TENM3: variants seen among roughly 807,000 people sequenced by gnomAD.
TENM3 encodes the protein teneurin-3.
Under a neutral mutation model 255.1 loss-of-function variants are expected in TENM3, and 63 were observed. That is an observed-to-expected ratio of 0.25 (90% CI 0.20 to 0.30). TENM3 has a LOEUF of 0.30. Among genes scored for constraint, TENM3 ranks in the 10% least tolerant of loss-of-function variants. The pLI, the probability that TENM3 is intolerant of heterozygous loss-of-function variation, is 1.00. For missense variants in TENM3, 2,929 were observed against 3,461.1 expected (o/e 0.85, Z 3.86); for synonymous variants, 1,306 against 1,322.3 (o/e 0.99, Z 0.27).
At chr4:181,789,454 G>T in the TENM3 span, among the ~76,000 whole-genome samples, 2 of 151,428 alleles carry the variant, frequency 1.3e-5, no homozygotes, top group African/African-American at 4.9e-5. Context: ...ATGGGGTTTT[G>T]CCATGTTGGC....
At chr4:182,677,041 G>A (rs1755724964) in intron 7 of TENM3, among the ~76,000 whole-genome samples, 1 of 152,096 alleles carries the variant, frequency 6.6e-6, no homozygotes, top group South Asian at 2.1e-4. Flanking sequence ...ATATTACAAA[G>A]CAAAACTCAC....
the TENM3 span, among the ~76,000 whole-genome samples, chr4:181,961,179 A>G: frequency 0.43 from 65,086 of 151,946 alleles, 14,435 homozygotes; most frequent in African/African-American, 0.52. Flanking sequence ...GCTTGCTGTC[A>G]ACTTGTGTCT....
At chr4:182,491,157 A>G (rs1349314231) in intron 3 of TENM3, among the ~76,000 whole-genome samples, 1 of 152,202 alleles carries the variant, frequency 6.6e-6, no homozygotes, top group African/African-American at 2.4e-5. Context: ...TGTGGTCAGT[A>G]CTTTTTAATT....
chr4:181,824,754 G>GA, the TENM3 span, among the ~76,000 whole-genome samples: 3 of 151,144 alleles, frequency 2.0e-5, no homozygotes, highest in South Asian at 2.1e-4. Flanking sequence ...TACAACAATG[G>GA]AAAAAAAATC....
At chr4:181,556,843 A>G in the TENM3 span, among the ~76,000 whole-genome samples, 3 of 152,158 alleles carry the variant, frequency 2.0e-5, no homozygotes, top group Non-Finnish European at 4.4e-5. Context: ...AGACTTTATA[A>G]CTTGCAACAT....
intron 4 of TENM3, among the ~76,000 whole-genome samples, chr4:182,602,155 G>A (rs2152414872): frequency 6.6e-6 from 1 of 152,354 alleles, no homozygotes; most frequent in East Asian, 1.9e-4. Flanking sequence ...ACAACCAACA[G>A]TGGTGTCTTA....
chr4:181,635,145 A>C, the TENM3 span, among the ~76,000 whole-genome samples: 1 of 152,210 alleles, frequency 6.6e-6, no homozygotes, highest in African/African-American at 2.4e-5. Flanking sequence ...TTTTCTCTGC[A>C]TCAGCAGCAG....
intron 1 of TENM3, among the ~76,000 whole-genome samples, chr4:182,177,969 T>G (rs537316235): frequency 6.6e-6 from 1 of 151,004 alleles, no homozygotes; most frequent in East Asian, 1.9e-4. Context: ...TTTTTTTTTT[T>G]TTTTTTGCTT....
intron 3 of TENM3, among the ~76,000 whole-genome samples, chr4:182,423,765 A>G (rs2151151812): frequency 6.6e-6 from 1 of 152,266 alleles, no homozygotes; most frequent in South Asian, 2.1e-4. Flanking sequence ...AATAAGCCAT[A>G]CTGTAAGATT....
chr4:182,478,524 A>G (rs943411965), intron 3 of TENM3, among the ~76,000 whole-genome samples: 1 of 151,942 alleles, frequency 6.6e-6, no homozygotes, highest in African/African-American at 2.4e-5. Context: ...CTATTTTTCA[A>G]GATTTTTTTG....
chr4:182,201,404 G>A (rs1207972824), intron 1 of TENM3, among the ~76,000 whole-genome samples: 1 of 152,106 alleles, frequency 6.6e-6, no homozygotes, highest in Non-Finnish European at 1.5e-5. Flanking sequence ...ACACATTTTC[G>A]ATTAAGATGA....
chr4:181,467,127 T>A, the TENM3 span, among the ~76,000 whole-genome samples: 694 of 22,534 alleles, frequency 0.031, 2 homozygotes, highest in Non-Finnish European at 0.04. Flanking sequence ...ATATATATAT[T>A]TTTTTTTTTT....
the TENM3 span, among the ~76,000 whole-genome samples, chr4:182,117,404 T>G: frequency 6.6e-6 from 1 of 152,226 alleles, no homozygotes; most frequent in Non-Finnish European, 1.5e-5. Flanking sequence ...AGATTTTCTC[T>G]TGTGTTATCT....
chr4:182,087,107 C>T, the TENM3 span, among the ~76,000 whole-genome samples: 2 of 152,098 alleles, frequency 1.3e-5, no homozygotes, highest in Admixed American at 1.3e-4. Flanking sequence ...GCACAAACCC[C>T]CTTAGCTGAT....
chr4:182,148,749 C>T lies in TENM3; in HGVS notation c.-76+3995C>T, dbSNP rs151267633. On this transcript the variant is annotated intron_variant, in intron 1 of 2. Coordinates refer to the TENM3 transcript ENST00000512480. ...AATGGAAATGTGAAGAGATGGTGAA[C>T]GTTATCATCCCCACTGTGATATTTG... Among the ~76,000 whole-genome samples, 25 of 152,050 alleles carry T rather than the reference C, an allele frequency of 1.6e-4. No individual in the cohort carries two copies. The East Asian group carries it at 3.3e-3, about 20-fold the overall frequency.
chr4:182,687,902 C>G (rs527647800), intron 11 of TENM3, among the ~76,000 whole-genome samples: 2 of 152,092 alleles, frequency 1.3e-5, no homozygotes, highest in Non-Finnish European at 2.9e-5. Flanking sequence ...GAAATTATTT[C>G]TAACAATTGT....
chr4:181,567,709 G>T, the TENM3 span, among the ~76,000 whole-genome samples: 1 of 152,122 alleles, frequency 6.6e-6, no homozygotes, highest in African/African-American at 2.4e-5. Flanking sequence ...TTGATAACAA[G>T]TTCTTTTTTA....
Position 182,773,551 on chromosome 4 carries a change from G to A in TENM3, c.4972G>A (p.Ala1658Thr), listed in dbSNP as rs1209570569. 1.2e-6 allele frequency: 2 copies of A among 1,613,908 alleles called. No homozygotes were observed. The highest frequency in any genetic ancestry group is 1.3e-5 in the African/African-American group (1 of 75,034). The part of the protein sequence containing the change: ...VTNLHGDMDK[A>T]ITVDIESSSR... ...AAACCTGCATGGGGACATGGACAAG[G>A]CTATCACAGTGGACATTGAGTCATC... The change falls in exon 23 of 28, where the codon GCT becomes ACT. Residue 1658 changes from alanine to threonine, a missense_variant. By Grantham distance (58) the Ala-to-Thr change is moderately conservative. Coordinates refer to ENST00000511685, the MANE Select transcript of TENM3 (RefSeq NM_001080477.4).
intron 1 of TENM3, among the ~76,000 whole-genome samples, chr4:182,282,403 T>A (rs1202434926): frequency 6.6e-6 from 1 of 152,190 alleles, no homozygotes; most frequent in African/African-American, 2.4e-5. Flanking sequence ...AAAGATAAAA[T>A]TTTCATTATT....
Sources: allele counts gnomAD v4.1 joint callset (sites outside exome capture counted in the v4.1 genomes callset), GRCh38; gene constraint gnomAD v4.1.1; transcripts MANE v1.5; gene names NCBI Gene and HGNC (gene_info 2026-07-23, HGNC 2026-07-21).